Variants in BBS9 observed in about 807,000 individuals in gnomAD.
The protein encoded by BBS9 is protein PTHB1.
A neutral mutation model predicts 117.7 loss-of-function variants in BBS9; 89 were observed. The observed-to-expected ratio is 0.76, with a 90% CI of 0.64 to 0.90. BBS9 has a LOEUF of 0.90. Among genes scored for constraint, BBS9 ranks in the 40% least tolerant of loss-of-function variants. BBS9 has a pLI of 0.00. For missense variants in BBS9, 982 were observed against 1,042.2 expected (o/e 0.94, Z 0.80); for synonymous variants, 379 against 370.9 (o/e 1.02, Z -0.25).
intron 19 of BBS9, among the ~76,000 whole-genome samples, chr7:33,435,545 A>C (rs1167993852): frequency 6.6e-6 from 1 of 152,230 alleles, no homozygotes; most frequent in Non-Finnish European, 1.5e-5. Context: ...AGTATGCAGC[A>C]CTCAGAAAAG....
chr7:33,247,441 C>G (rs1583862176), intron 5 of BBS9, among the ~76,000 whole-genome samples: 1 of 152,048 alleles, frequency 6.6e-6, no homozygotes, highest in Non-Finnish European at 1.5e-5. Context: ...ACCAGTGTCT[C>G]TCTGCACCCA....
intron 19 of BBS9, among the ~76,000 whole-genome samples, chr7:33,429,426 T>C (rs1834108279): frequency 6.6e-6 from 1 of 152,204 alleles, no homozygotes; most frequent in Non-Finnish European, 1.5e-5. Context: ...CATTTATTTT[T>C]ATTCTTTAAG....
At chr7:33,558,849 TGAA>T (rs1370106730) in intron 21 of BBS9, among the ~76,000 whole-genome samples, 1 of 152,100 alleles carries the variant, frequency 6.6e-6, no homozygotes, top group African/African-American at 2.4e-5. Context: ...TTTGAGAAAA[TGAA>T]TAATTTAGAG....
intron 19 of BBS9, among the ~76,000 whole-genome samples, chr7:33,412,676 A>G (rs943994601): frequency 6.6e-6 from 1 of 152,192 alleles, no homozygotes; most frequent in Non-Finnish European, 1.5e-5. Flanking sequence ...TTAAAAAGCA[A>G]TTGTCATCTT....
chr7:33,533,642 T>C lies in BBS9; in HGVS notation c.2299-312T>C. The C allele has an allele frequency of 7.7e-6, 3 of 390,466 alleles. No homozygotes were observed. The South Asian group carries it at 8.5e-5, about 11-fold the overall frequency. The allele number at this position is 390,466 out of a possible 1,614,324, so 24.2% of individuals were successfully genotyped here. The stretch of plus-strand genomic sequence containing the variant: ...CGTGTGCCTGATACTCTTTTTGTTG[T>C]TACTCATTACTCTATGCCTGGCTCA... On this transcript the variant is annotated intron_variant, in intron 20 of 22. Coordinates refer to ENST00000242067, the MANE Select transcript of BBS9 (RefSeq NM_198428.3).
intron 19 of BBS9, among the ~76,000 whole-genome samples, chr7:33,406,729 C>A (rs532697367): frequency 2.7e-4 from 41 of 152,148 alleles, no homozygotes; most frequent in Admixed American, 4.6e-4. Flanking sequence ...TCTGGGTTGA[C>A]AGTTCTTTTC....
chr7:33,597,942 G>A (rs148094229), intron 21 of BBS9, among the ~76,000 whole-genome samples: 30 of 151,620 alleles, frequency 2.0e-4, no homozygotes, highest in Non-Finnish European at 4.0e-4. Context: ...TGTGCTGAGC[G>A]TGATGCTAGG....
At chr7:33,416,233 G>A (rs1831991221) in intron 19 of BBS9, among the ~76,000 whole-genome samples, 1 of 151,346 alleles carries the variant, frequency 6.6e-6, no homozygotes, top group South Asian at 2.1e-4. Context: ...CTGGCCATAC[G>A]GGACCTGCAT....
intron 21 of BBS9, among the ~76,000 whole-genome samples, chr7:33,584,995 T>G (rs1040317590): frequency 6.6e-6 from 1 of 152,170 alleles, no homozygotes; most frequent in Admixed American, 6.5e-5. Flanking sequence ...AAGATTGATT[T>G]TGTCTTTTTC....
At chr7:33,435,766 G>T (rs536260406) in intron 19 of BBS9, among the ~76,000 whole-genome samples, 1 of 144,646 alleles carries the variant, frequency 6.9e-6, no homozygotes, top group Non-Finnish European at 1.6e-5. Context: ...TTCCGTAAAG[G>T]CCATTCAGTT....
Position 33,138,479 on chromosome 7 carries a change from A to G in BBS9, c.-11-7763A>G, listed in dbSNP as rs182268345. On this transcript the variant is annotated intron_variant, in intron 1 of 22. Coordinates refer to ENST00000242067, the MANE Select transcript of BBS9 (RefSeq NM_198428.3). ...ATACTGTTTGGGGAGGATGAGATTC[A>G]ACATTTCTCATAAGCTTTTGAGTGA... 5.6e-4 allele frequency among the ~76,000 whole-genome samples: 85 copies of G among 151,200 alleles called. 1 individual carries two copies. Among genetic ancestry groups the G allele is most frequent in the Non-Finnish European group, 4.0e-4 (27 of 67,988 alleles).
chr7:33,422,728 T>A lies in BBS9; in HGVS notation c.2115+34584T>A, dbSNP rs1584769172. Among the ~76,000 whole-genome samples the A allele has an allele frequency of 3.3e-5, 5 of 152,320 alleles. No individual in the cohort carries two copies. In the South Asian group the frequency reaches 1.0e-3, roughly 32 times the overall value. The stretch of plus-strand genomic sequence containing the variant: ...CAGAGAAACAGAGCTATCAGATTTT[T>A]AAAGAAAAGTATAATTAATAAATGC... On this transcript the variant is annotated intron_variant, in intron 19 of 22. Transcript: ENST00000242067.
chr7:33,590,459 G>GTTTTTTTTTTTTTTTTT (rs71554107), intron 21 of BBS9, among the ~76,000 whole-genome samples: 4 of 101,492 alleles, frequency 3.9e-5, no homozygotes, highest in South Asian at 3.3e-4. Context: ...TTGTTTTTTT[G>GTTTTTTTTTTTTTTTTT]TTTTTTTTTT....
At position 33,340,957 on chromosome 7, in the gene BBS9, A is replaced by G. The variant is rs781174771; in HGVS notation, c.1259A>G (p.Asn420Ser). Reference protein sequence around the residue: ...DLNVSVVVSPNFDSVSQATDV... With the variant: ...DLNVSVVVSPSFDSVSQATDV... ...AACGTTTCTGTCGTGGTTTCTCCTAACTTTGATTCAGTTTCTGTAGGTGTA... is the reference window on the plus strand; with the variant it reads ...AACGTTTCTGTCGTGGTTTCTCCTAGCTTTGATTCAGTTTCTGTAGGTGTA... The change falls in exon 11 of 23, where the codon AAC becomes AGC. Residue 420 changes from asparagine to serine, a missense_variant. By Grantham distance (46) the Asn-to-Ser change is conservative. Coordinates refer to ENST00000242067, the MANE Select transcript of BBS9 (RefSeq NM_198428.3). The G allele has an allele frequency of 2.5e-6, 4 of 1,613,412 alleles. No homozygotes were observed. The highest frequency in any genetic ancestry group is 3.4e-6 in the Non-Finnish European group (4 of 1,179,584).
At chr7:33,197,888 GC>G (rs1480731503) in intron 5 of BBS9, among the ~76,000 whole-genome samples, 1 of 151,928 alleles carries the variant, frequency 6.6e-6, no homozygotes, top group Non-Finnish European at 1.5e-5. Context: ...TGGTAGGCAT[GC>G]TTTTTGTAGA....
chr7:33,557,168 A>G (rs1039710798), intron 21 of BBS9, among the ~76,000 whole-genome samples: 7 of 152,188 alleles, frequency 4.6e-5, no homozygotes, highest in Admixed American at 4.6e-4. Flanking sequence ...CCAAAAAAAT[A>G]CCATGATAAC....
At chr7:33,609,172 G>C (rs1022711511), downstream of BBS9, among the ~76,000 whole-genome samples, 2 of 152,030 alleles carry the variant, frequency 1.3e-5, no homozygotes, top group African/African-American at 4.8e-5. Context: ...GGCTGTAGGC[G>C]TGTGACTTTA....
At chr7:33,601,518 A>C (rs572597552) in intron 21 of BBS9, among the ~76,000 whole-genome samples, 1 of 152,070 alleles carries the variant, frequency 6.6e-6, no homozygotes. Flanking sequence ...TAACAAATAC[A>C]TATTTTTTTC....
intron 5 of BBS9, among the ~76,000 whole-genome samples, chr7:33,196,758 G>A (rs1785016514): frequency 6.6e-6 from 1 of 152,162 alleles, no homozygotes; most frequent in Admixed American, 6.5e-5. Context: ...GGAAGATCAA[G>A]GGGATAATAG....
Sources: allele counts gnomAD v4.1 joint callset (sites outside exome capture counted in the v4.1 genomes callset), GRCh38; gene constraint gnomAD v4.1.1; transcripts MANE v1.5; gene names NCBI Gene and HGNC (gene_info 2026-07-23, HGNC 2026-07-21).